NRG1: variants seen among roughly 807,000 people sequenced by gnomAD.
NRG1 encodes the protein neuregulin 1.
A neutral mutation model predicts 63.8 loss-of-function variants in NRG1; 18 were observed. That is an observed-to-expected ratio of 0.28 (90% CI 0.19 to 0.42). The LOEUF (loss-of-function observed/expected upper bound fraction) is 0.42. Among genes scored for constraint, NRG1 ranks in the 10% least tolerant of loss-of-function variants. The pLI is 1.00. For missense variants in NRG1, 762 were observed against 814.7 expected (o/e 0.94, Z 0.79); for synonymous variants, 302 against 301.3 (o/e 1.00, Z -0.02).
intron 1 of NRG1, among the ~76,000 whole-genome samples, chr8:31,916,800 A>G (rs1322491547): frequency 6.6e-6 from 1 of 151,858 alleles, no homozygotes; most frequent in Non-Finnish European, 1.5e-5. Context: ...ACAATGGTTG[A>G]ACTAGTTTAC....
At chr8:32,643,801 T>C (rs1852908078) in intron 5 of NRG1, among the ~76,000 whole-genome samples, 1 of 152,222 alleles carries the variant, frequency 6.6e-6, no homozygotes, top group African/African-American at 2.4e-5. Flanking sequence ...TTAGGCAAAA[T>C]TGTAGAAGTC....
At chr8:32,567,443 A>G (rs560904697) in intron 1 of NRG1, among the ~76,000 whole-genome samples, 9 of 152,258 alleles carry the variant, frequency 5.9e-5, no homozygotes, top group Middle Eastern at 3.4e-3. Flanking sequence ...TAAAAAAGAA[A>G]TTTCTCTGGC....
chr8:32,221,821 GA>G (rs538964771), intron 1 of NRG1, among the ~76,000 whole-genome samples: 3 of 152,076 alleles, frequency 2.0e-5, no homozygotes, highest in South Asian at 2.1e-4. Flanking sequence ...GGTCTAAAAG[GA>G]AAAAAATTGA....
intron 1 of NRG1, among the ~76,000 whole-genome samples, chr8:32,220,068 T>C (rs1845650597): frequency 1.3e-5 from 2 of 151,734 alleles, no homozygotes; most frequent in Non-Finnish European, 2.9e-5. Context: ...AGGTTTAAGA[T>C]CAGAAAGTGG....
intron 1 of NRG1, among the ~76,000 whole-genome samples, chr8:32,272,154 T>C (rs978536670): frequency 6.6e-6 from 1 of 152,230 alleles, no homozygotes. Context: ...AGACATTTGT[T>C]TCCCACCATT....
At chr8:31,728,491 T>G (rs1383205423) in intron 1 of NRG1, among the ~76,000 whole-genome samples, 1 of 152,216 alleles carries the variant, frequency 6.6e-6, no homozygotes. Flanking sequence ...TGCATCACTT[T>G]TTTTTAAACT....
At chr8:31,895,766 A>C (rs985775016) in intron 1 of NRG1, among the ~76,000 whole-genome samples, 2 of 152,058 alleles carry the variant, frequency 1.3e-5, no homozygotes, top group South Asian at 4.2e-4. Flanking sequence ...CTTCTTTTCA[A>C]TTTTGGTGGG....
Position 32,595,842 on chromosome 8 carries a change from T to C in NRG1, c.115T>C (p.Leu39=), listed in dbSNP as rs568742468. The C allele has an allele frequency of 1.9e-5, 30 of 1,602,626 alleles. No individual in the cohort carries two copies. In the Admixed American group the frequency reaches 4.9e-4, roughly 26 times the overall value. ...TCTTCTTTTAGCCTTGCCTCCCCGA[T>C]TGAAAGAGATGAAAAGCCAGGAATC... Residue 39 remains leucine (L), a synonymous_variant, in exon 2 of 12, where the codon TTG becomes CTG. Coordinates refer to ENST00000356819, the Ensembl canonical transcript of NRG1.
At chr8:31,996,108 C>T (rs1004448053) in intron 1 of NRG1, among the ~76,000 whole-genome samples, 1 of 151,704 alleles carries the variant, frequency 6.6e-6, no homozygotes, top group Non-Finnish European at 1.5e-5. Flanking sequence ...TACCTCCTTC[C>T]ACCTTTGTTT....
intron 7 of NRG1, among the ~76,000 whole-genome samples, chr8:32,773,990 A>G (rs1831949963): frequency 6.6e-6 from 1 of 152,192 alleles, no homozygotes; most frequent in Non-Finnish European, 1.5e-5. Context: ...TTTTTTGCAT[A>G]GTGTTTATTT....
chr8:31,880,104 C>T (rs969864985), intron 1 of NRG1, among the ~76,000 whole-genome samples: 6 of 152,116 alleles, frequency 3.9e-5, no homozygotes, highest in Non-Finnish European at 8.8e-5. Context: ...TTAGTTCAAC[C>T]ATTGTGGGAA....
chr8:32,058,428 T>C (rs1323772297), intron 1 of NRG1, among the ~76,000 whole-genome samples: 2 of 152,058 alleles, frequency 1.3e-5, no homozygotes, highest in South Asian at 2.1e-4. Context: ...TACACACAAA[T>C]ACATATTTAC....
At chr8:32,305,595 T>C (rs1281106258) in intron 1 of NRG1, among the ~76,000 whole-genome samples, 1 of 152,174 alleles carries the variant, frequency 6.6e-6, no homozygotes, top group Non-Finnish European at 1.5e-5. Context: ...TTCCTCAGAG[T>C]CCACTTAGCT....
intron 1 of NRG1, among the ~76,000 whole-genome samples, chr8:31,764,940 C>T (rs899408952): frequency 7.3e-6 from 1 of 137,090 alleles, no homozygotes; most frequent in African/African-American, 2.7e-5. Flanking sequence ...CTTCCTGTGT[C>T]CATGTGATCT....
chr8:32,274,808 A>G lies in NRG1; in HGVS notation c.38-321020A>G, dbSNP rs544001331. Among the ~76,000 whole-genome samples, 202 of 152,312 alleles carry G rather than the reference A, an allele frequency of 1.3e-3. 1 individual carries two copies. The highest frequency in any genetic ancestry group is 2.0e-3 in the Non-Finnish European group (139 of 68,024). On this transcript the variant is annotated intron_variant, in intron 1 of 10. Transcript: ENST00000519301. ...TTTTTTTCCAGGCAAACCCTCCAAC[A>G]AATGTATAAACAGGTTGCTTTTTAG...
chr8:32,541,859 C>T (rs955152988), intron 1 of NRG1, among the ~76,000 whole-genome samples: 3 of 152,048 alleles, frequency 2.0e-5, no homozygotes, highest in South Asian at 2.1e-4. Context: ...GAGATTAAAT[C>T]GAAACTCAAA....
chr8:31,777,628 T>C (rs1819275177), intron 1 of NRG1, among the ~76,000 whole-genome samples: 1 of 152,226 alleles, frequency 6.6e-6, no homozygotes, highest in Admixed American at 6.5e-5. Flanking sequence ...GAGGTTTATT[T>C]GGCTTGGAGG....
intron 1 of NRG1, among the ~76,000 whole-genome samples, chr8:31,938,064 A>C (rs1455127044): frequency 1.3e-5 from 2 of 152,108 alleles, no homozygotes; most frequent in Non-Finnish European, 2.9e-5. Flanking sequence ...ACCACAGCTG[A>C]TGCACTCTTG....
chr8:32,344,332 T>C (rs894612747), intron 1 of NRG1, among the ~76,000 whole-genome samples: 4 of 58,296 alleles, frequency 6.9e-5, no homozygotes, highest in Non-Finnish European at 1.4e-4. Context: ...TTCTCTTTCT[T>C]TCTTTCTTTC....
Sources: allele counts gnomAD v4.1 joint callset (sites outside exome capture counted in the v4.1 genomes callset), GRCh38; gene constraint gnomAD v4.1.1; transcripts MANE v1.5; gene names NCBI Gene and HGNC (gene_info 2026-07-23, HGNC 2026-07-21).